TICAM2: variants seen among roughly 807,000 people sequenced by gnomAD.
TICAM2 encodes TIR domain containing adaptor molecule 2.
A neutral mutation model predicts 7.3 loss-of-function variants in TICAM2; 8 were observed. The ratio of observed to expected loss-of-function variants is 1.10; its 90% CI spans 0.65 to 1.99. The LOEUF is 1.99. Among genes scored for constraint, TICAM2 ranks in the 30% most tolerant of loss-of-function variants. The pLI, the probability that TICAM2 is intolerant of heterozygous loss-of-function variation, is 0.00. For missense variants in TICAM2, 304 were observed against 278.8 expected, an observed-to-expected ratio of 1.09 and a Z score of -0.65; for synonymous variants, 113 against 99.6, an observed-to-expected ratio of 1.13 and a Z score of -0.80.
At chr5:115,587,767 A>G (rs907815192) in intron 1 of TICAM2, among the ~76,000 whole-genome samples, 1 of 152,190 alleles carries the variant, frequency 6.6e-6, no homozygotes. Context: ...GTGATCCAGT[A>G]GGCACTTGCA....
chr5:115,581,427 T>C (rs541928228), intron 1 of TICAM2, 112 bp from the exon 2 acceptor site: 1 of 1,219,584 alleles, frequency 8.2e-7, no homozygotes, highest in East Asian at 2.6e-5. Context: ...CAGATCCAAA[T>C]ACATAAACGA....
Position 115,602,413 on chromosome 5 carries a change from G to A in TICAM2, c.-376C>T, listed in dbSNP as rs1755804292. ...CGAGGCCGGACTGCTGCTTTGCCGT[G>A]GCAGGCCCCACCCGGGACGTGGCGC... On this transcript the variant is annotated 5_prime_UTR_variant, in exon 1 of 2. Transcript: ENST00000427199. The A allele has an allele frequency of 6.6e-6, 1 of 152,654 alleles. No individual in the cohort carries two copies. Among genetic ancestry groups the A allele is most frequent in the Admixed American group, 6.5e-5 (1 of 15,290 alleles). 9.5% of individuals were successfully genotyped at this position (152,654 alleles called of 1,614,324 possible). A position where few individuals can be genotyped will look rare whatever the true frequency, so the allele number is the denominator to read the frequency against.
In TICAM2 at chr5:115,594,710, A is replaced by C. The variant is rs569873920; in HGVS notation, c.-60+7387T>G. 5.6e-4 allele frequency among the ~76,000 whole-genome samples: 86 copies of C among 152,356 alleles called. 1 individual carries two copies. Among genetic ancestry groups the C allele is most frequent in the African/African-American group, 1.7e-3 (70 of 41,590 alleles). ...AATATATGATAGATGTTTTGGCTAA[A>C]AGTACTTTCAAGAAATGACCACAGA... On this transcript the variant is annotated intron_variant, in intron 1 of 1. Transcript: ENST00000427199.
At chr5:115,587,775 G>C (rs934667928) in intron 1 of TICAM2, among the ~76,000 whole-genome samples, 1 of 152,160 alleles carries the variant, frequency 6.6e-6, no homozygotes, top group Non-Finnish European at 1.5e-5. Flanking sequence ...GTAGGCACTT[G>C]CACATGTAGG....
chr5:115,593,396 A>C (rs1755385054), intron 1 of TICAM2, among the ~76,000 whole-genome samples: 1 of 91,588 alleles, frequency 1.1e-5, no homozygotes, highest in African/African-American at 7.3e-5. Flanking sequence ...AAGATAAAAG[A>C]TAAAATTACA....
chr5:115,593,698 TA>T (rs1755399298), intron 1 of TICAM2, among the ~76,000 whole-genome samples: 1 of 152,184 alleles, frequency 6.6e-6, no homozygotes, highest in Non-Finnish European at 1.5e-5. Context: ...TATGGAAATA[TA>T]AAGAGTAAGA....
chr5:115,600,396 A>G (rs755371813), intron 1 of TICAM2, among the ~76,000 whole-genome samples: 35 of 152,234 alleles, frequency 2.3e-4, no homozygotes, highest in Non-Finnish European at 4.6e-4. Context: ...GATATTATTT[A>G]TAGCCAAGGA....
intron 1 of TICAM2, among the ~76,000 whole-genome samples, chr5:115,597,303 A>G (rs1755545970): frequency 6.6e-6 from 1 of 152,164 alleles, no homozygotes; most frequent in African/African-American, 2.4e-5. Context: ...TTGTCATGCA[A>G]TCTATGGAGA....
chr5:115,581,013 C>T lies in TICAM2; in HGVS notation c.244G>A (p.Val82Met), dbSNP rs763201747. 1 of 1,614,086 alleles carries T rather than the reference C, an allele frequency of 6.2e-7. No individual in the cohort carries two copies. The highest frequency in any genetic ancestry group is 1.1e-5 in the South Asian group (1 of 91,074). The change falls in exon 2 of 2, where the codon GTG (valine) becomes ATG (methionine). Residue 82 changes from valine (V) to methionine (M), a missense_variant. Transcript: ENST00000427199. Reference sequence around the variant, plus strand: ...GTGTCATCTTCTGCATGCAATATCACAAATTTGAGGAACACCTCTTCTTCA... The same window carrying T: ...GTGTCATCTTCTGCATGCAATATCATAAATTTGAGGAACACCTCTTCTTCA... ...EAEEEVFLKF[V>M]ILHAEDDTDE...
At chr5:115,595,804 G>A (rs1755489725) in intron 1 of TICAM2, among the ~76,000 whole-genome samples, 1 of 152,134 alleles carries the variant, frequency 6.6e-6, no homozygotes, top group Admixed American at 6.5e-5. Flanking sequence ...ATCTTAGAAT[G>A]TACCCTTGCC....
intron 1 of TICAM2, 76 bp from the exon 2 acceptor site, chr5:115,581,391 G>A (rs1033775345): frequency 1.4e-5 from 20 of 1,451,118 alleles, no homozygotes; most frequent in Non-Finnish European, 1.8e-5. Context: ...CATTCAAACT[G>A]AAAAGCTCAA....
chr5:115,593,577 A>G (rs1561577507), intron 1 of TICAM2, among the ~76,000 whole-genome samples: 1 of 152,374 alleles, frequency 6.6e-6, no homozygotes. Flanking sequence ...TATTCAATAT[A>G]GTAAAGATGT....
At chr5:115,595,890 T>C (rs897834281) in intron 1 of TICAM2, among the ~76,000 whole-genome samples, 1 of 152,224 alleles carries the variant, frequency 6.6e-6, no homozygotes, top group Admixed American at 6.5e-5. Context: ...TATCTCCAAG[T>C]TGAATTAAGT....
rs1754904594 is a variant in TICAM2, at chr5:115,581,070, G to A, written c.187C>T (p.Gln63Ter). The A allele has an allele frequency of 6.2e-7, 1 of 1,614,140 alleles. No homozygotes were observed. The highest frequency in any genetic ancestry group is 1.7e-5 in the Admixed American group (1 of 60,022). ...TCTTCAAACATCTCTTCCACGCTCT[G>A]AGCTCCCTCCTGCTTTCCTGTTGGC... is the stretch of plus-strand genomic sequence containing the variant. ...EGPTGKQEGA[Q>*]SVEEMFEEEA... Residue 63 changes from glutamine to a stop codon, truncating the protein, a stop_gained, in exon 2 of 2, where the codon CAG becomes TAG. Transcript: ENST00000427199. LOFTEE classifies it high-confidence loss of function.
intron 1 of TICAM2, among the ~76,000 whole-genome samples, chr5:115,591,129 C>G (rs1456456732): frequency 1.3e-5 from 2 of 152,060 alleles, no homozygotes; most frequent in African/African-American, 4.8e-5. Flanking sequence ...ATTATAGAAC[C>G]CAAATCCAGA....
intron 1 of TICAM2, among the ~76,000 whole-genome samples, chr5:115,587,060 A>C (rs1303839702): frequency 6.6e-6 from 1 of 152,188 alleles, no homozygotes; most frequent in Non-Finnish European, 1.5e-5. Flanking sequence ...TGTTAGAATC[A>C]TTTTGCACCG....
At chr5:115,587,424 A>G (rs2127196448) in intron 1 of TICAM2, among the ~76,000 whole-genome samples, 1 of 152,328 alleles carries the variant, frequency 6.6e-6, no homozygotes, top group East Asian at 1.9e-4. Context: ...GCATACCATT[A>G]TAACTATTAC....
In TICAM2 at chr5:115,580,547, T is replaced by C. The variant is rs1057071537; in HGVS notation, c.*2A>G. On this transcript the variant is annotated 3_prime_UTR_variant, in exon 2 of 2. Transcript: ENST00000427199. ...AGCCAGCCACATGTTATATGTTTCA[T>C]CTCAGGCAATAAATTGTCTTTGTAC... 4.4e-6 allele frequency: 7 copies of C among 1,585,992 alleles called. No individual in the cohort carries two copies. The highest frequency in any genetic ancestry group is 6.0e-6 in the Non-Finnish European group (7 of 1,170,178).
chr5:115,582,465 G>A (rs1000943923), intron 1 of TICAM2, among the ~76,000 whole-genome samples: 19 of 151,296 alleles, frequency 1.3e-4, no homozygotes, highest in African/African-American at 3.9e-4. Flanking sequence ...GAGCTACCAC[G>A]TCTGGCCTAG....
Sources: gnomAD v4.1 joint callset for allele counts (sites outside exome capture counted in the v4.1 genomes callset) on GRCh38, gnomAD v4.1.1 for gene constraint, MANE v1.5 for transcripts, NCBI Gene and HGNC (gene_info 2026-07-23, HGNC 2026-07-21) for gene names.